DNAH8: variants seen among roughly 807,000 people sequenced by gnomAD.
The protein encoded by DNAH8 is axonemal beta dynein heavy chain 8.
DNAH8 carries 382 observed loss-of-function variants against 562.1 expected under a neutral mutation model. That is an observed-to-expected ratio of 0.68 (90% CI 0.63 to 0.74). The LOEUF is 0.74. Among genes scored for constraint, DNAH8 ranks in the 30% least tolerant of loss-of-function variants. The pLI is 0.00. For missense variants in DNAH8, 5,203 were observed against 5,620.4 expected, an observed-to-expected ratio of 0.93 and a Z score of 2.37; for synonymous variants, 1,881 against 1,919.4, an observed-to-expected ratio of 0.98 and a Z score of 0.52.
intron 33 of DNAH8, among the ~76,000 whole-genome samples, chr6:38,838,622 A>G (rs926372938): frequency 1.3e-5 from 2 of 149,558 alleles, no homozygotes; most frequent in African/African-American, 4.9e-5. Context: ...GATGGTCTCG[A>G]TCTCCTGACC....
intron 86 of DNAH8, among the ~76,000 whole-genome samples, chr6:38,983,376 T>C (rs752130782): frequency 6.6e-5 from 10 of 152,224 alleles, no homozygotes; most frequent in Non-Finnish European, 1.5e-4. Context: ...GTGTTTACTC[T>C]AGTACCAAAC....
chr6:38,918,408 T>C (rs1031284866), intron 70 of DNAH8, among the ~76,000 whole-genome samples: 5 of 152,174 alleles, frequency 3.3e-5, no homozygotes, highest in African/African-American at 1.2e-4. Flanking sequence ...CAAGCTGTCA[T>C]AAGAAGAAAA....
intron 21 of DNAH8, among the ~76,000 whole-genome samples, chr6:38,802,247 T>C (rs1277724372): frequency 6.6e-6 from 1 of 151,992 alleles, no homozygotes; most frequent in African/African-American, 2.4e-5. Context: ...TGATTTACTT[T>C]TACGTTTTTT....
chr6:38,843,922 A>G (rs905163824), intron 35 of DNAH8, among the ~76,000 whole-genome samples: 2 of 152,036 alleles, frequency 1.3e-5, no homozygotes, highest in African/African-American at 2.4e-5. Flanking sequence ...CTCAGCCCCA[A>G]GTTGAGAGCC....
At position 38,786,882 on chromosome 6, in the gene DNAH8, A is replaced by T. The variant is rs777664096; in HGVS notation, c.2513A>T (p.Asp838Val). The change falls in exon 18 of 93, where the codon GAT (aspartate) becomes GTT (valine). Residue 838 changes from aspartate (D) to valine (V), a missense_variant. Asp to Val is a radical substitution (Grantham distance 152). Coordinates refer to ENST00000327475, the MANE Select transcript of DNAH8 (RefSeq NM_001206927.2). The stretch of plus-strand genomic sequence containing the variant: ...AAGTGTATGATAAAAATGAAGTTGG[A>T]TGTACCAGAACAGGCAAAGAGATTG... ...ETKCMIKMKL[D>V]VPEQAKRLLK... 1 of 1,613,518 alleles carries T rather than the reference A, an allele frequency of 6.2e-7. No homozygotes were observed. Among genetic ancestry groups the T allele is most frequent in the Non-Finnish European group, 8.5e-7 (1 of 1,179,734 alleles).
Position 38,886,478 on chromosome 6 carries a change from CTTG to C in DNAH8, c.8260-308_8260-306del, listed in dbSNP as rs1448843777. Reference sequence around the variant, plus strand: ...AGTATGAAAGATGTCTACAGTAAAACTTGTTGTAACTTGGAGTATTAATGTAAT... The same window carrying C: ...AGTATGAAAGATGTCTACAGTAAAACTTGTAACTTGGAGTATTAATGTAAT... On this transcript the variant is annotated intron_variant, in intron 56 of 92. Coordinates refer to ENST00000327475, the MANE Select transcript of DNAH8 (RefSeq NM_001206927.2). Among the ~76,000 whole-genome samples the C allele has an allele frequency of 1.2e-4, 18 of 152,238 alleles. No homozygotes were observed. The East Asian group carries it at 3.3e-3, about 28-fold the overall frequency.
At chr6:38,796,587 G>A (rs1381960851) in intron 21 of DNAH8, among the ~76,000 whole-genome samples, 1 of 152,058 alleles carries the variant, frequency 6.6e-6, no homozygotes, top group Non-Finnish European at 1.5e-5. Flanking sequence ...GACCTAACTG[G>A]TTATGTTATC....
intron 36 of DNAH8, among the ~76,000 whole-genome samples, chr6:38,846,164 T>C (rs1207488522): frequency 2.6e-5 from 4 of 152,196 alleles, no homozygotes; most frequent in Non-Finnish European, 5.9e-5. Flanking sequence ...AAAAGCCTGC[T>C]GGCCACCCGT....
intron 85 of DNAH8, among the ~76,000 whole-genome samples, chr6:38,975,691 A>G (rs1763621105): frequency 6.6e-6 from 1 of 152,144 alleles, no homozygotes; most frequent in Non-Finnish European, 1.5e-5. Flanking sequence ...TTGGATTGTC[A>G]ATTACAGCTT....
chr6:39,030,662 A>G lies in DNAH8; in HGVS notation c.*270A>G. The G allele has an allele frequency of 5.6e-6, 2 of 358,962 alleles. No homozygotes were observed. Among genetic ancestry groups the G allele is most frequent in the Non-Finnish European group, 1.0e-5 (2 of 197,698 alleles). The allele number at this position is 358,962 out of a possible 1,614,324, so 22.2% of individuals were successfully genotyped here. On this transcript the variant is annotated 3_prime_UTR_variant, in exon 93 of 93. Coordinates refer to ENST00000327475, the MANE Select transcript of DNAH8 (RefSeq NM_001206927.2). ...GATAAAACCCTGTTTGGATGTTAGAACACTTTGGAAGCTCTGAATTTTAAA... is the reference window on the plus strand; with the variant it reads ...GATAAAACCCTGTTTGGATGTTAGAGCACTTTGGAAGCTCTGAATTTTAAA...
At position 38,804,759 on chromosome 6, in the gene DNAH8, AAG is replaced by A. The variant is rs137967997; in HGVS notation, c.3035-692_3035-691del. Reference sequence around the variant, plus strand: ...GATCCCATGAAAGTGACATAGCAAGAAGAGAGAGAGAGAGAGAGAGAGAGAGA... The same window carrying A: ...GATCCCATGAAAGTGACATAGCAAGAAGAGAGAGAGAGAGAGAGAGAGAGA... On this transcript the variant is annotated intron_variant, in intron 22 of 92. Transcript: ENST00000327475. 8.7e-3 allele frequency among the ~76,000 whole-genome samples: 958 copies of A among 109,958 alleles called. 2 individuals carry two copies. The highest frequency in any genetic ancestry group is 0.014 in the Middle Eastern group (3 of 218). The allele number at this position is 109,958 out of a possible 152,430, so 72.1% of individuals were successfully genotyped here.
chr6:38,822,970 A>G lies in DNAH8; in HGVS notation c.3656A>G (p.Glu1219Gly). 1 of 1,613,076 alleles carries G rather than the reference A, an allele frequency of 6.2e-7. No individual in the cohort carries two copies. Among genetic ancestry groups the G allele is most frequent in the Non-Finnish European group, 8.5e-7 (1 of 1,179,642 alleles). Residue 1219 changes from glutamate to glycine, a missense_variant, in exon 27 of 93, where the codon GAG becomes GGG. Coordinates refer to ENST00000327475, the MANE Select transcript of DNAH8 (RefSeq NM_001206927.2). ...SVNSLRKAAH[E>G]ALQDFQKYKT... ...AATTCCCTAAGAAAGGCAGCTCATGAGGCCCTGCAGGACTTTCAGAAGTAC... is the reference window on the plus strand; with the variant it reads ...AATTCCCTAAGAAAGGCAGCTCATGGGGCCCTGCAGGACTTTCAGAAGTAC...
chr6:38,725,323 A>ATAATAG (rs1358268732), intron 3 of DNAH8, among the ~76,000 whole-genome samples: 6 of 148,072 alleles, frequency 4.1e-5, no homozygotes, highest in African/African-American at 1.5e-4. Flanking sequence ...AATAATAATA[A>ATAATAG]TAATAATAAT....
At chr6:38,740,600 T>C (rs1764446322) in intron 7 of DNAH8, among the ~76,000 whole-genome samples, 1 of 152,150 alleles carries the variant, frequency 6.6e-6, no homozygotes, top group South Asian at 2.1e-4. Flanking sequence ...AGTTTGTCTT[T>C]AGTCTTTTTG....
intron 37 of DNAH8, among the ~76,000 whole-genome samples, chr6:38,849,374 G>C (rs1229871171): frequency 6.6e-6 from 1 of 152,066 alleles, no homozygotes; most frequent in African/African-American, 2.4e-5. Context: ...AAACAGCCTT[G>C]GGAGGCTGTA....
At chr6:38,816,229 C>T (rs1017300131) in intron 26 of DNAH8, among the ~76,000 whole-genome samples, 1 of 152,136 alleles carries the variant, frequency 6.6e-6, no homozygotes, top group Non-Finnish European at 1.5e-5. Context: ...TGCTCTCCCT[C>T]CCTTCACCCC....
chr6:38,850,624 A>G (rs1455185210), intron 38 of DNAH8, among the ~76,000 whole-genome samples: 1 of 152,208 alleles, frequency 6.6e-6, no homozygotes, highest in Non-Finnish European at 1.5e-5. Context: ...TCAGGCTGCT[A>G]TAACAAATTT....
At chr6:38,943,536 C>T (rs371621350) in intron 79 of DNAH8, among the ~76,000 whole-genome samples, 3 of 151,984 alleles carry the variant, frequency 2.0e-5, no homozygotes, top group Admixed American at 6.6e-5. Context: ...TTGCAAGGTG[C>T]CTTTGACTTT....
Position 38,837,489 on chromosome 6 carries a change from T to A in DNAH8, c.4366-453T>A, listed in dbSNP as rs112473646. 5.7e-3 allele frequency among the ~76,000 whole-genome samples: 871 copies of A among 152,364 alleles called. 4 individuals are homozygous for A. The highest frequency in any genetic ancestry group is 0.02 in the African/African-American group (827 of 41,590). On this transcript the variant is annotated intron_variant, in intron 32 of 92. Coordinates refer to ENST00000327475, the MANE Select transcript of DNAH8 (RefSeq NM_001206927.2). ...GTTGTTAGAATTATTTCAAATGGTGTTAAAATTGGATCTTCTTTTTTATAG... is the reference window on the plus strand; with the variant it reads ...GTTGTTAGAATTATTTCAAATGGTGATAAAATTGGATCTTCTTTTTTATAG...
Sources: allele counts gnomAD v4.1 joint callset (sites outside exome capture counted in the v4.1 genomes callset), GRCh38; gene constraint gnomAD v4.1.1; transcripts MANE v1.5; gene names NCBI Gene and HGNC (gene_info 2026-07-23, HGNC 2026-07-21).